Variants in CDK5RAP2 observed in about 807,000 individuals in gnomAD.
The protein encoded by CDK5RAP2 is CDK5 regulatory subunit associated protein 2.
Under a neutral mutation model 232.9 loss-of-function variants are expected in CDK5RAP2, and 147 were observed. The ratio of observed to expected loss-of-function variants is 0.63; its 90% CI spans 0.55 to 0.72. The LOEUF (loss-of-function observed/expected upper bound fraction) is 0.72, where lower values mean the gene tolerates loss of function less well. Ranked by LOEUF, CDK5RAP2 falls within the 30% of genes least tolerant of loss-of-function variation. CDK5RAP2 has a pLI of 0.00. For missense variants in CDK5RAP2, 2,195 were observed against 2,231.5 expected, an observed-to-expected ratio of 0.98 and a Z score of 0.33; for synonymous variants, 833 against 833.7, an observed-to-expected ratio of 1.00 and a Z score of 0.01.
At chr9:120,442,689 T>C (rs1405561417) in intron 23 of CDK5RAP2, among the ~76,000 whole-genome samples, 1 of 152,250 alleles carries the variant, frequency 6.6e-6, no homozygotes, top group Non-Finnish European at 1.5e-5. Context: ...AATACTATAG[T>C]TCTACAACTT....
chr9:120,525,287 C>T (rs1465033325), intron 10 of CDK5RAP2, among the ~76,000 whole-genome samples: 1 of 152,182 alleles, frequency 6.6e-6, no homozygotes. Context: ...ATTTCCTCAA[C>T]TGTAAAATGA....
chr9:120,573,775 CT>C (rs1307359049), intron 1 of CDK5RAP2, among the ~76,000 whole-genome samples: 1 of 152,032 alleles, frequency 6.6e-6, no homozygotes, highest in African/African-American at 2.4e-5. Flanking sequence ...GGTTTTCTTC[CT>C]TTTTAATGTT....
At chr9:120,406,716 G>C (rs771141467) in intron 32 of CDK5RAP2, 5 of 416,040 alleles carry the variant, frequency 1.2e-5, no homozygotes, top group Non-Finnish European at 2.1e-5. Flanking sequence ...GCATCAAAGT[G>C]ATGCAGGCAG....
intron 18 of CDK5RAP2, among the ~76,000 whole-genome samples, chr9:120,460,933 C>A (rs563112288): frequency 6.6e-6 from 1 of 152,292 alleles, no homozygotes; most frequent in African/African-American, 2.4e-5. Flanking sequence ...TGCCCCTTGC[C>A]CTTGCATGGC....
chr9:120,490,538 C>T (rs1356503853), intron 13 of CDK5RAP2, among the ~76,000 whole-genome samples: 1 of 152,254 alleles, frequency 6.6e-6, no homozygotes. Context: ...CTATGCCTTT[C>T]TGGGGTTCTG....
intron 12 of CDK5RAP2, among the ~76,000 whole-genome samples, chr9:120,508,097 A>C (rs1236148442): frequency 6.6e-6 from 1 of 151,888 alleles, no homozygotes; most frequent in Non-Finnish European, 1.5e-5. Flanking sequence ...GAGAATGAGA[A>C]GGTTCTCATC....
At chr9:120,501,061 T>C (rs1484558321) in intron 12 of CDK5RAP2, among the ~76,000 whole-genome samples, 1 of 152,218 alleles carries the variant, frequency 6.6e-6, no homozygotes, top group African/African-American at 2.4e-5. Flanking sequence ...TGCTAGACAC[T>C]TTCATAATGA....
intron 1 of CDK5RAP2, among the ~76,000 whole-genome samples, chr9:120,577,292 C>T (rs2043070274): frequency 1.3e-5 from 2 of 149,884 alleles, no homozygotes; most frequent in South Asian, 4.2e-4. Context: ...ACTCTGGAGG[C>T]GGAGGTTGCA....
intron 15 of CDK5RAP2, among the ~76,000 whole-genome samples, chr9:120,472,784 C>G (rs1017108834): frequency 6.6e-6 from 1 of 152,202 alleles, no homozygotes; most frequent in African/African-American, 2.4e-5. Context: ...TTGGGGAAAC[C>G]TGTCCAATAG....
chr9:120,496,188 T>C (rs868253082), intron 12 of CDK5RAP2, among the ~76,000 whole-genome samples: 563 of 72,742 alleles, frequency 7.7e-3, no homozygotes, highest in Middle Eastern at 0.015. Context: ...CCAGCCGCCC[T>C]GTCCGGGAGG....
At chr9:120,506,654 A>C (rs2039829011) in intron 12 of CDK5RAP2, among the ~76,000 whole-genome samples, 1 of 152,204 alleles carries the variant, frequency 6.6e-6, no homozygotes, top group Non-Finnish European at 1.5e-5. Context: ...ACCCTCATGG[A>C]TGACTTTGAG....
intron 14 of CDK5RAP2, among the ~76,000 whole-genome samples, chr9:120,487,019 T>C (rs1413124304): frequency 1.3e-5 from 2 of 152,160 alleles, no homozygotes; most frequent in African/African-American, 4.8e-5. Context: ...TGGGATTACA[T>C]AGTTCTTAAG....
intron 20 of CDK5RAP2, among the ~76,000 whole-genome samples, chr9:120,458,026 G>C (rs1435382658): frequency 1.3e-5 from 2 of 152,084 alleles, no homozygotes; most frequent in Admixed American, 1.3e-4. Flanking sequence ...TCCTCACATA[G>C]GAATGGCTCC....
intron 36 of CDK5RAP2, 135 bp downstream of exon 36, chr9:120,394,377 T>C: frequency 7.3e-7 from 1 of 1,368,592 alleles, no homozygotes; most frequent in Non-Finnish European, 1.0e-6. Context: ...AAGGATGGAG[T>C]ATGAAAAGAA....
chr9:120,461,583 G>A (rs1390832478), intron 18 of CDK5RAP2, among the ~76,000 whole-genome samples: 1 of 152,194 alleles, frequency 6.6e-6, no homozygotes, highest in Admixed American at 6.5e-5. Flanking sequence ...GCTCACACCT[G>A]TAATCCTAGC....
Position 120,530,117 on chromosome 9 carries a change from G to A in CDK5RAP2, c.686C>T (p.Ser229Phe), listed in dbSNP as rs760217914. 1 of 1,613,620 alleles carries A rather than the reference G, an allele frequency of 6.2e-7. No individual in the cohort carries two copies. The highest frequency in any genetic ancestry group is 1.1e-5 in the South Asian group (1 of 91,066). ...AATTAAAGCTTCTTTGCTCTTCAAA[G>A]ACAGCTTCAACTCCTCAATCAGTCT... ...KDRLIEELKLSLKSKEALIQC... is the reference protein window; with the variant it reads ...KDRLIEELKLFLKSKEALIQC... The change falls in exon 8 of 38, where the codon TCT becomes TTT. Residue 229 changes from serine (S) to phenylalanine (F), a missense_variant. By Grantham distance (155) the Ser-to-Phe change is radical (BLOSUM62 -2). Transcript: ENST00000349780.
At chr9:120,444,954 C>T (rs2036100268) in intron 22 of CDK5RAP2, among the ~76,000 whole-genome samples, 1 of 152,178 alleles carries the variant, frequency 6.6e-6, no homozygotes, top group Admixed American at 6.5e-5. Flanking sequence ...ATAATAGGTG[C>T]TTGTTTTATT....
intron 5 of CDK5RAP2, among the ~76,000 whole-genome samples, chr9:120,541,980 C>A (rs1228910067): frequency 6.6e-6 from 1 of 152,232 alleles, no homozygotes; most frequent in Non-Finnish European, 1.5e-5. Context: ...GCCAGCCTCA[C>A]TACCCTTTTT....
chr9:120,461,696 G>A (rs539344969), intron 18 of CDK5RAP2, among the ~76,000 whole-genome samples: 8 of 152,088 alleles, frequency 5.3e-5, no homozygotes, highest in South Asian at 4.1e-4. Flanking sequence ...ACAAAAATTC[G>A]CCGGGTGTGG....
Sources: allele counts gnomAD v4.1 joint callset (sites outside exome capture counted in the v4.1 genomes callset), GRCh38; gene constraint gnomAD v4.1.1; transcripts MANE v1.5; gene names NCBI Gene and HGNC (gene_info 2026-07-23, HGNC 2026-07-21).